Variants in EYA4 observed in about 807,000 individuals in gnomAD.
EYA4 encodes protein phosphatase EYA4.
EYA4 carries 31 observed loss-of-function variants against 87.9 expected under a neutral mutation model. The observed-to-expected ratio is 0.35, with a 90% CI of 0.27 to 0.48. EYA4 has a LOEUF of 0.48. Among genes scored for constraint, EYA4 ranks in the 20% least tolerant of loss-of-function variants. The pLI is 0.99. For synonymous variants in EYA4, 263 were observed against 270.6 expected (o/e 0.97, Z 0.28); for missense variants, 678 against 761.4 (o/e 0.89, Z 1.29).
intron 15 of EYA4, 29 bp downstream of exon 15, chr6:133,512,808 C>T (rs1459458960): frequency 5.0e-6 from 8 of 1,612,196 alleles, no homozygotes; most frequent in Non-Finnish European, 6.8e-6. Flanking sequence ...TATGCTGTTT[C>T]CTACAGAAAT....
At chr6:133,246,005 CT>C (rs1554206821) in intron 1 of EYA4, among the ~76,000 whole-genome samples, 4 of 152,314 alleles carry the variant, frequency 2.6e-5, no homozygotes, top group Admixed American at 2.0e-4. Flanking sequence ...TCTTACTCCC[CT>C]AACCCCTTTC....
intron 13 of EYA4, among the ~76,000 whole-genome samples, chr6:133,501,460 T>C (rs1441730896): frequency 6.6e-6 from 1 of 152,128 alleles, no homozygotes; most frequent in East Asian, 1.9e-4. Context: ...CATTTTCCAG[T>C]TCCTCCTAAG....
At chr6:133,515,256 T>C (rs1259705418) in intron 16 of EYA4, 65 bp from the exon 17 acceptor site, 15 of 826,612 alleles carry the variant, frequency 1.8e-5, no homozygotes, top group Non-Finnish European at 3.0e-5. Flanking sequence ...CAGAAGGGAA[T>C]CTAAACTAGA....
intron 3 of EYA4, among the ~76,000 whole-genome samples, chr6:133,383,545 A>AAAAG (rs1312860441): frequency 2.0e-5 from 3 of 149,506 alleles, no homozygotes; most frequent in Non-Finnish European, 3.0e-5. Flanking sequence ...AAAAAAAAAA[A>AAAAG]TGTAATGGCC....
intron 2 of EYA4, among the ~76,000 whole-genome samples, chr6:133,290,656 C>T (rs1778417891): frequency 1.3e-5 from 2 of 152,084 alleles, no homozygotes; most frequent in South Asian, 4.1e-4. Flanking sequence ...TATTGCCATG[C>T]TTGATACAGA....
At position 133,477,813 on chromosome 6, in the gene EYA4, G is replaced by GAC. The variant is rs10538879; in HGVS notation, c.971-3631_971-3630dup. On this transcript the variant is annotated intron_variant, in intron 11 of 19. Transcript: ENST00000355286. ...CCGGGTTGGAGTGAGGTTTAAGTCA[G>GAC]ACACACACACACACACACACGCATA... 1.4e-3 allele frequency among the ~76,000 whole-genome samples: 211 copies of GAC among 149,864 alleles called. 1 individual carries two copies. The South Asian group carries it at 0.015, about 11-fold the overall frequency.
chr6:133,374,362 T>C (rs1477759973), intron 2 of EYA4, among the ~76,000 whole-genome samples: 1 of 152,008 alleles, frequency 6.6e-6, no homozygotes, highest in African/African-American at 2.4e-5. Context: ...ACCAGGGTCC[T>C]GGAAGGCCCT....
intron 3 of EYA4, among the ~76,000 whole-genome samples, chr6:133,425,471 A>T (rs1583242729): frequency 6.6e-6 from 1 of 150,710 alleles, no homozygotes; most frequent in Non-Finnish European, 1.5e-5. Flanking sequence ...CTTACTTGGA[A>T]GTCTCCCTTC....
intron 16 of EYA4, among the ~76,000 whole-genome samples, chr6:133,513,887 G>T (rs1399582025): frequency 6.6e-6 from 1 of 151,942 alleles, no homozygotes; most frequent in Non-Finnish European, 1.5e-5. Context: ...AAATATACAT[G>T]TGCATACTAT....
At chr6:133,506,826 C>T (rs1798673504) in intron 14 of EYA4, among the ~76,000 whole-genome samples, 1 of 152,088 alleles carries the variant, frequency 6.6e-6, no homozygotes, top group Non-Finnish European at 1.5e-5. Flanking sequence ...GAAAAATAGC[C>T]TCAGAGTAGT....
At chr6:133,330,625 A>G (rs1562296854) in intron 2 of EYA4, among the ~76,000 whole-genome samples, 2 of 151,608 alleles carry the variant, frequency 1.3e-5, no homozygotes, top group Non-Finnish European at 2.9e-5. Context: ...AAGCATTAAA[A>G]TAAATTAAGT....
chr6:133,268,704 T>C (rs79597233), intron 1 of EYA4, among the ~76,000 whole-genome samples: 1,647 of 152,114 alleles, frequency 0.011, 17 homozygotes, highest in Middle Eastern at 0.027. Flanking sequence ...CAAGGATCAA[T>C]GGGTCAGCTA....
At chr6:133,483,526 A>G (rs1300318484) in intron 13 of EYA4, among the ~76,000 whole-genome samples, 1 of 151,872 alleles carries the variant, frequency 6.6e-6, no homozygotes, top group Non-Finnish European at 1.5e-5. Context: ...CGTCTGACAG[A>G]TCTTTTGGAT....
At chr6:133,374,834 G>C (rs553751220) in intron 2 of EYA4, among the ~76,000 whole-genome samples, 2 of 152,030 alleles carry the variant, frequency 1.3e-5, no homozygotes, top group East Asian at 3.9e-4. Context: ...CAAGATCTTT[G>C]TTTCTAAGGA....
intron 1 of EYA4, chr6:133,245,144 A>T (rs1463317425): frequency 6.6e-6 from 1 of 152,178 alleles, no homozygotes; most frequent in African/African-American, 2.4e-5. Context: ...GCCCCTCTTT[A>T]TAAGGAGTTT....
At chr6:133,303,623 T>C (rs1288067135) in intron 2 of EYA4, among the ~76,000 whole-genome samples, 1 of 152,216 alleles carries the variant, frequency 6.6e-6, no homozygotes, top group African/African-American at 2.4e-5. Flanking sequence ...AAAATTTTAG[T>C]TTAGAAACAC....
At chr6:133,422,862 T>C (rs907857612) in intron 3 of EYA4, among the ~76,000 whole-genome samples, 1 of 152,202 alleles carries the variant, frequency 6.6e-6, no homozygotes, top group Non-Finnish European at 1.5e-5. Context: ...TGGCTGGCCC[T>C]GTAAGGGCTT....
chr6:133,407,366 T>C (rs1324946705), intron 3 of EYA4, among the ~76,000 whole-genome samples: 1 of 151,660 alleles, frequency 6.6e-6, no homozygotes, highest in Non-Finnish European at 1.5e-5. Flanking sequence ...AAATGTTGAA[T>C]GGGAGGATAG....
At chr6:133,378,926 G>GGTGTGTGT (rs10681162) in intron 2 of EYA4, among the ~76,000 whole-genome samples, 2,788 of 141,802 alleles carry the variant, frequency 0.02, 33 homozygotes, top group African/African-American at 0.023. Context: ...TTTCTGTCTT[G>GGTGTGTGT]GTGTGTGTGT....
Sources: gnomAD v4.1 joint callset for allele counts (sites outside exome capture counted in the v4.1 genomes callset) on GRCh38, gnomAD v4.1.1 for gene constraint, MANE v1.5 for transcripts, NCBI Gene and HGNC (gene_info 2026-07-23, HGNC 2026-07-21) for gene names.